CHL1: variants seen among roughly 807,000 people sequenced by gnomAD.
CHL1 encodes neural cell adhesion molecule L1-like protein.
CHL1 carries 96 observed loss-of-function variants against 141.9 expected under a neutral mutation model. That is an observed-to-expected ratio of 0.68 (90% CI 0.57 to 0.80). CHL1 has a LOEUF of 0.80. Among genes scored for constraint, CHL1 ranks in the 30% least tolerant of loss-of-function variants. The pLI is 0.00. For missense variants in CHL1, 1,820 were observed against 1,457.2 expected (o/e 1.25, Z -4.05); for synonymous variants, 613 against 502.2 (o/e 1.22, Z -2.95).
rs962816436 is a variant in CHL1, at chr3:244,671, C to T, written c.-116C>T. On this transcript the variant is annotated 5_prime_UTR_variant, in exon 2 of 28. Coordinates refer to ENST00000256509, the MANE Select transcript of CHL1 (RefSeq NM_006614.4). ...ATACTGCAAACAAATCATAGTGGAA[C>T]TAAGGGGAACTTAATTTACTGGTAA... 5.3e-5 allele frequency: 8 copies of T among 152,158 alleles called. No individual in the cohort carries two copies. The highest frequency in any genetic ancestry group is 1.3e-4 in the Admixed American group (2 of 15,272). 9.4% of individuals were successfully genotyped at this position (152,158 alleles called of 1,614,324 possible). A position where few individuals can be genotyped will look rare whatever the true frequency, so the allele number is the denominator to read the frequency against.
intron 15 of CHL1, chr3:373,596 G>C (rs912551346): frequency 6.6e-6 from 1 of 152,380 alleles, no homozygotes; most frequent in East Asian, 1.9e-4. Context: ...CTTCTAAGGA[G>C]CTCAAATGGC....
At chr3:325,648 C>G (rs1700945339) in intron 3 of CHL1, among the ~76,000 whole-genome samples, 3 of 151,826 alleles carry the variant, frequency 2.0e-5, no homozygotes, top group Admixed American at 1.3e-4. Flanking sequence ...AGATTGAATG[C>G]CAATAATTTT....
chr3:198,706 TGTTA>T (rs1698638789), intron 1 of CHL1, among the ~76,000 whole-genome samples: 1 of 152,272 alleles, frequency 6.6e-6, no homozygotes, highest in South Asian at 2.1e-4. Flanking sequence ...ATGCCATTAC[TGTTA>T]GTTAATCCTC....
chr3:384,457 G>C (rs972752071), intron 19 of CHL1: 1 of 152,152 alleles, frequency 6.6e-6, no homozygotes, highest in Admixed American at 6.5e-5. Flanking sequence ...TTATGTATGA[G>C]GATCTTTGGA....
chr3:263,857 A>G (rs890353235), intron 2 of CHL1, among the ~76,000 whole-genome samples: 7 of 152,246 alleles, frequency 4.6e-5, no homozygotes, highest in African/African-American at 1.7e-4. Flanking sequence ...AAACAATTGT[A>G]TAAGCTATGC....
In CHL1 at chr3:258,934, C is replaced by CTT. The variant is rs538887029; in HGVS notation, c.-95+14258_-95+14259dup. 4.0e-3 allele frequency among the ~76,000 whole-genome samples: 526 copies of CTT among 130,536 alleles called. 8 individuals carry two copies. The highest frequency in any genetic ancestry group is 0.013 in the African/African-American group (433 of 34,182). 85.6% of individuals were successfully genotyped at this position (130,536 alleles called of 152,430 possible). A position where few individuals can be genotyped will look rare whatever the true frequency, so the allele number is the denominator to read the frequency against. ...CTTTATTTTAAACGTATGGCAACAT[C>CTT]TTTTTTTTTTTTTTTTTCTGAGACA... On this transcript the variant is annotated intron_variant, in intron 2 of 27. Coordinates refer to ENST00000256509, the MANE Select transcript of CHL1 (RefSeq NM_006614.4).
At chr3:201,880 G>T (rs1698978637) in intron 1 of CHL1, among the ~76,000 whole-genome samples, 1 of 152,060 alleles carries the variant, frequency 6.6e-6, no homozygotes, top group Non-Finnish European at 1.5e-5. Context: ...GACTACAATT[G>T]TGCCATTTTC....
intron 2 of CHL1, among the ~76,000 whole-genome samples, chr3:261,210 C>G (rs1187276569): frequency 1.3e-5 from 2 of 152,018 alleles, no homozygotes; most frequent in East Asian, 1.9e-4. Context: ...GAAGCCAGCC[C>G]CTGATCTGTT....
intron 1 of CHL1, among the ~76,000 whole-genome samples, chr3:200,312 A>G (rs916543428): frequency 6.6e-6 from 1 of 152,204 alleles, no homozygotes; most frequent in Admixed American, 6.5e-5. Flanking sequence ...AGAGTAGGAA[A>G]ACATGACAGA....
At chr3:373,033 C>T (rs1705847166) in intron 15 of CHL1, among the ~76,000 whole-genome samples, 1 of 152,176 alleles carries the variant, frequency 6.6e-6, no homozygotes, top group Non-Finnish European at 1.5e-5. Context: ...AGTAGGATCA[C>T]TCCTATATAG....
intron 2 of CHL1, among the ~76,000 whole-genome samples, chr3:315,775 G>A (rs554231894): frequency 6.3e-4 from 96 of 152,040 alleles, no homozygotes; most frequent in Non-Finnish European, 2.4e-4. Flanking sequence ...TGCATTGTCT[G>A]GGGTAAATAC....
chr3:315,206 C>A (rs1444592724), intron 2 of CHL1, among the ~76,000 whole-genome samples: 1 of 152,098 alleles, frequency 6.6e-6, no homozygotes, highest in Admixed American at 6.6e-5. Context: ...TCACTTAAAT[C>A]TCATAAGTGT....
chr3:394,660 C>A (rs1708518668), intron 23 of CHL1, 33 bp from the exon 24 acceptor site: 2 of 1,482,296 alleles, frequency 1.3e-6, no homozygotes, highest in African/African-American at 1.4e-5. Flanking sequence ...TGGTTAAATA[C>A]ATTTGAGCTG....
In CHL1 at chr3:284,651, T is replaced by C. The variant is rs537469616; in HGVS notation, c.-94-35032T>C. ...ATTGTTCACTGAAAAAGACAAATTT[T>C]AGTTCTATCTTCATGACATTATATG... On this transcript the variant is annotated intron_variant, in intron 2 of 27. Coordinates refer to ENST00000256509, the MANE Select transcript of CHL1 (RefSeq NM_006614.4). 2.6e-5 allele frequency among the ~76,000 whole-genome samples: 4 copies of C among 152,328 alleles called. No individual in the cohort carries two copies. The South Asian group carries it at 8.3e-4, about 32-fold the overall frequency.
intron 5 of CHL1, among the ~76,000 whole-genome samples, chr3:333,722 C>T (rs907336653): frequency 2.0e-5 from 3 of 152,164 alleles, no homozygotes; most frequent in African/African-American, 4.8e-5. Context: ...CAGAAATATA[C>T]ATCCTGTGCA....
intron 26 of CHL1, among the ~76,000 whole-genome samples, chr3:399,729 TGA>T (rs1254162822): frequency 1.3e-5 from 2 of 152,210 alleles, no homozygotes; most frequent in African/African-American, 4.8e-5. Flanking sequence ...TCAGCGTCGT[TGA>T]GAGACATATC....
intron 2 of CHL1, among the ~76,000 whole-genome samples, chr3:306,065 A>G (rs1281604986): frequency 2.0e-5 from 3 of 152,138 alleles, no homozygotes; most frequent in African/African-American, 7.2e-5. Flanking sequence ...ATAGTAACTG[A>G]TATTGCCTTC....
At chr3:203,904 C>A (rs557553160) in intron 1 of CHL1, among the ~76,000 whole-genome samples, 110 of 152,300 alleles carry the variant, frequency 7.2e-4, no homozygotes, top group African/African-American at 2.6e-3. Context: ...GAATACCTAG[C>A]ACATCTTGAA....
At chr3:397,560 G>T (rs1325741532) in intron 24 of CHL1, among the ~76,000 whole-genome samples, 1 of 152,074 alleles carries the variant, frequency 6.6e-6, no homozygotes, top group African/African-American at 2.4e-5. Flanking sequence ...GGTAAGACAA[G>T]AAGTTAACAT....
Sources: gnomAD v4.1 joint callset for allele counts (sites outside exome capture counted in the v4.1 genomes callset) on GRCh38, gnomAD v4.1.1 for gene constraint, MANE v1.5 for transcripts, NCBI Gene and HGNC (gene_info 2026-07-23, HGNC 2026-07-21) for gene names.